Variants in ITPR3 observed in about 807,000 individuals in gnomAD.
ITPR3 encodes the protein inositol 1,4,5-trisphosphate receptor type 3.
In ITPR3, 173 loss-of-function variants were observed where a neutral mutation model predicts 293.2. That is an observed-to-expected ratio of 0.59 (90% confidence interval 0.52 to 0.67). The LOEUF (loss-of-function observed/expected upper bound fraction) is 0.67. Among genes scored for constraint, ITPR3 ranks in the 30% least tolerant of loss-of-function variants. The pLI is 0.00. For synonymous variants in ITPR3, 1,295 were observed against 1,444.4 expected (o/e 0.90, Z 2.35); for missense variants, 2,796 against 3,592.1 (o/e 0.78, Z 5.66).
intron 43 of ITPR3, 61 bp from the exon 44 acceptor site, chr6:33,686,948 A>T (rs1019226556): frequency 1.5e-6 from 2 of 1,305,344 alleles, no homozygotes; most frequent in East Asian, 2.3e-5. Context: ...AATGAGGGAG[A>T]AGTTGTCAGG....
At chr6:33,694,701 A>AG in intron 56 of ITPR3, 1 of 550,790 alleles carries the variant, frequency 1.8e-6, no homozygotes. Flanking sequence ...TGCCTAACGG[A>AG]AGTCAGCCTG....
Position 33,684,192 on chromosome 6 carries a change from GGGCAGCAGGGGTGCAGC to G in ITPR3, c.4937+30_4937+46del, listed in dbSNP as rs763428889. The G allele has an allele frequency of 1.9e-6, 3 of 1,607,150 alleles. No homozygotes were observed. The highest frequency in any genetic ancestry group is 2.2e-5 in the South Asian group (2 of 90,864). On this transcript the variant is annotated intron_variant, in intron 36 of 57. Transcript: ENST00000605930. This position sits in a 1 kb window ranked among gnomAD's most constrained non-coding sequence, Gnocchi z 4.2. ...AAGTGAGCGAGACACTGGGGCATGG[GGGCAGCAGGGGTGCAGC>G]GGCAGGGGACAGAGAAGGGCCCGGT...
In ITPR3 at chr6:33,688,764, T is replaced by C. The variant is rs1303363423; in HGVS notation, c.6677T>C (p.Met2226Thr). ...NIIIAFFYPY[M>T]EGASTGVLDS... ...ATCATTGCCTTCTTCTACCCTTACA[T>C]GGAGGGCGCGTCCACAGGTGAGAAC... Residue 2226 changes from methionine (M) to threonine (T), a missense_variant, in exon 49 of 58, where the codon ATG becomes ACG. By Grantham distance (81) the Met-to-Thr change is moderately conservative. Coordinates refer to ENST00000605930, the MANE Select transcript of ITPR3 (RefSeq NM_002224.4). 1.2e-6 allele frequency: 2 copies of C among 1,614,060 alleles called. No homozygotes were observed. The highest frequency in any genetic ancestry group is 1.7e-5 in the Admixed American group (1 of 59,998).
At chr6:33,668,882 G>C in intron 17 of ITPR3, 92 bp from the exon 18 acceptor site, 1 of 1,369,862 alleles carries the variant, frequency 7.3e-7, no homozygotes. Context: ...CCCCGTGGTG[G>C]CTGGCACTGT....
In ITPR3 at chr6:33,683,904, C is replaced by T. The variant is rs752322319; in HGVS notation, c.4789-116C>T. The T allele has an allele frequency of 6.8e-6, 8 of 1,171,924 alleles. No individual in the cohort carries two copies. The highest frequency in any genetic ancestry group is 9.6e-6 in the Non-Finnish European group (8 of 836,102). The allele number at this position is 1,171,924 out of a possible 1,614,324, so 72.6% of individuals were successfully genotyped here. A position where few individuals can be genotyped will look rare whatever the true frequency, so the allele number is the denominator to read the frequency against. ...TCAGGGTGTCTCTGTGGGTGTGGGC[C>T]CCTCAGACAGAGGCAGGGCAATCTG... On this transcript the variant is annotated intron_variant, in intron 35 of 57. Coordinates refer to ENST00000605930, the MANE Select transcript of ITPR3 (RefSeq NM_002224.4). This position sits in a 1 kb window ranked among gnomAD's most constrained non-coding sequence, Gnocchi z 4.5.
intron 7 of ITPR3, among the ~76,000 whole-genome samples, chr6:33,661,928 G>A (rs904525612): frequency 2.1e-5 from 3 of 143,986 alleles, no homozygotes; most frequent in African/African-American, 5.2e-5. Flanking sequence ...CCCAGGAGGC[G>A]AAGGTTGCAG....
intron 7 of ITPR3, among the ~76,000 whole-genome samples, chr6:33,661,992 GAAAAAAAAA>G (rs55958712): frequency 1.4e-3 from 65 of 47,194 alleles, no homozygotes; most frequent in Admixed American, 4.6e-3. Context: ...GACTGTCTCT[GAAAAAAAAA>G]AAAAAAAAAA....
chr6:33,677,272 C>T (rs1337401641), intron 27 of ITPR3, among the ~76,000 whole-genome samples, 183 bp downstream of exon 27: 4 of 152,208 alleles, frequency 2.6e-5, no homozygotes, highest in African/African-American at 4.8e-5. Flanking sequence ...ATTTTAAAGC[C>T]GAAGGAATTC....
rs376454020 is a variant in ITPR3 at position 33,672,496 on chromosome 6, A to C, written c.2928+268A>C. Among the ~76,000 whole-genome samples, 6 of 152,260 alleles carry C rather than the reference A, an allele frequency of 3.9e-5. No individual in the cohort carries two copies. In the East Asian group the frequency reaches 1.2e-3, roughly 29 times the overall value. On this transcript the variant is annotated intron_variant, in intron 22 of 57. Transcript: ENST00000605930. The surrounding 1 kb of genome is among the most constrained non-coding windows in gnomAD (Gnocchi z 5.0). ...TGCTTTGGGAGGCCAAGGTGGGAGGACTGCTTGAGCTCAGAGTTCAAGACC... is the reference window on the plus strand; with the variant it reads ...TGCTTTGGGAGGCCAAGGTGGGAGGCCTGCTTGAGCTCAGAGTTCAAGACC...
At chr6:33,688,884 T>A (rs1468192477) in intron 49 of ITPR3, 103 bp downstream of exon 49, 1 of 1,443,188 alleles carries the variant, frequency 6.9e-7, no homozygotes, top group Non-Finnish European at 9.6e-7. Flanking sequence ...GGGCACCAGA[T>A]GCAGAGTGTG....
intron 2 of ITPR3, among the ~76,000 whole-genome samples, chr6:33,645,191 G>T (rs745804419): frequency 6.6e-6 from 1 of 151,718 alleles, no homozygotes; most frequent in East Asian, 2.0e-4. Context: ...AATATTGGCC[G>T]GGTGTGGTGG....
Position 33,662,942 on chromosome 6 carries a change from C to G in ITPR3, c.890C>G (p.Ala297Gly). Residue 297 changes from alanine (A) to glycine (G), a missense_variant, in exon 9 of 58, where the codon GCT becomes GGT. By Grantham distance (60) the Ala-to-Gly change is moderately conservative. This residue lies in a region of ITPR3 where 955 missense variants were observed against 1,180.8 expected (regional missense o/e 0.81). Coordinates refer to ENST00000605930, the MANE Select transcript of ITPR3 (RefSeq NM_002224.4). ...VVHHDPCRGGAGHWNGLYRFK... is the reference protein window; with the variant it reads ...VVHHDPCRGGGGHWNGLYRFK... ...CACCACGACCCCTGCCGTGGAGGAGCTGGGCACTGGAATGGCTTGTACCGC... is the reference window on the plus strand; with the variant it reads ...CACCACGACCCCTGCCGTGGAGGAGGTGGGCACTGGAATGGCTTGTACCGC... The G allele has an allele frequency of 6.2e-7, 1 of 1,604,704 alleles. No homozygotes were observed. Among genetic ancestry groups the G allele is most frequent in the Non-Finnish European group, 8.5e-7 (1 of 1,175,168 alleles).
Position 33,667,706 on chromosome 6 carries a change from G to T in ITPR3, c.1714-86G>T. 1 of 1,482,592 alleles carries T rather than the reference G, an allele frequency of 6.7e-7. No homozygotes were observed. Among genetic ancestry groups the T allele is most frequent in the Non-Finnish European group, 9.2e-7 (1 of 1,085,536 alleles). 91.8% of individuals were successfully genotyped at this position (1,482,592 alleles called of 1,614,324 possible). A position where few individuals can be genotyped will look rare whatever the true frequency, so the allele number is the denominator to read the frequency against. ...TCTAGGGTATTGGGTCCTTACCTCGGGGTTTGGGGGCAGCGTTCCAGAGCA... is the reference window on the plus strand; with the variant it reads ...TCTAGGGTATTGGGTCCTTACCTCGTGGTTTGGGGGCAGCGTTCCAGAGCA... On this transcript the variant is annotated intron_variant, in intron 15 of 57. Transcript: ENST00000605930. The surrounding 1 kb of genome is among the most constrained non-coding windows in gnomAD (Gnocchi z 4.4).
In ITPR3 at chr6:33,670,110, G is replaced by A. The variant is rs1371572480; in HGVS notation, c.2190-215G>A. Among the ~76,000 whole-genome samples the A allele has an allele frequency of 6.6e-6, 1 of 152,060 alleles. No homozygotes were observed. Among genetic ancestry groups the A allele is most frequent in the Admixed American group, 6.5e-5 (1 of 15,274 alleles). ...GACGTCCCTCTTCCCATGAAGACCTGTCCTGGCTGAGCCTTAGCCAGGAGG... is the reference window on the plus strand; with the variant it reads ...GACGTCCCTCTTCCCATGAAGACCTATCCTGGCTGAGCCTTAGCCAGGAGG... On this transcript the variant is annotated intron_variant, in intron 18 of 57. Transcript: ENST00000605930. The surrounding 1 kb of genome is among the most constrained non-coding windows in gnomAD (Gnocchi z 6.7).
In ITPR3 at chr6:33,638,947, T is replaced by C. The variant is rs141071567; in HGVS notation, c.90-1537T>C. Among the ~76,000 whole-genome samples the C allele has an allele frequency of 1.3e-5, 2 of 152,108 alleles. No individual in the cohort carries two copies. Among genetic ancestry groups the C allele is most frequent in the African/African-American group, 4.8e-5 (2 of 41,496 alleles). On this transcript the variant is annotated intron_variant, in intron 1 of 57. Coordinates refer to ENST00000605930, the MANE Select transcript of ITPR3 (RefSeq NM_002224.4). The surrounding 1 kb of genome is among the most constrained non-coding windows in gnomAD (Gnocchi z 4.3). ...CTTCATGGGGCCAGAGTGGAGTGAG[T>C]ATTAAGGCACTGCAGGCTGCCAGGA...
Position 33,658,155 on chromosome 6 carries a change from C to T in ITPR3, c.369+137C>T. 1 of 705,814 alleles carries T rather than the reference C, an allele frequency of 1.4e-6. No homozygotes were observed. The highest frequency in any genetic ancestry group is 2.5e-6 in the Non-Finnish European group (1 of 397,180). The allele number at this position is 705,814 out of a possible 1,614,324, so 43.7% of individuals were successfully genotyped here. A position where few individuals can be genotyped will look rare whatever the true frequency, so the allele number is the denominator to read the frequency against. ...GGTGAATGAGTGGCCCTGGGGCCAC[C>T]TGTGTGGCTGTGCGTCTGACTGTGT... On this transcript the variant is annotated intron_variant, in intron 4 of 57. Coordinates refer to ENST00000605930, the MANE Select transcript of ITPR3 (RefSeq NM_002224.4). This position sits in a 1 kb window ranked among gnomAD's most constrained non-coding sequence, Gnocchi z 6.1.
chr6:33,669,681 T>G (rs1183084854), intron 18 of ITPR3, among the ~76,000 whole-genome samples: 3 of 152,142 alleles, frequency 2.0e-5, no homozygotes, highest in Admixed American at 1.3e-4. Flanking sequence ...TTTAAGCACT[T>G]GTCCTGATCC....
At position 33,662,606 on chromosome 6, in the gene ITPR3, T is replaced by A; in HGVS notation, c.790T>A (p.Phe264Ile). 4 of 1,612,356 alleles carry A rather than the reference T, an allele frequency of 2.5e-6. No individual in the cohort carries two copies. The highest frequency in any genetic ancestry group is 3.4e-6 in the Non-Finnish European group (4 of 1,179,948). Reference protein sequence around the residue: ...CDEYKGKLQVFLRTTLRQSAT... With the variant: ...CDEYKGKLQVILRTTLRQSAT... ...CGAGTACAAGGGCAAGCTGCAGGTG[T>A]TCCTGCGAACTACACTGCGCCAGTC... The change falls in exon 8 of 58, where the codon TTC becomes ATC. Residue 264 changes from phenylalanine to isoleucine, a missense_variant. Coordinates refer to ENST00000605930, the MANE Select transcript of ITPR3 (RefSeq NM_002224.4).
chr6:33,689,323 C>T lies in ITPR3; in HGVS notation c.6780C>T (p.Ser2260=). The change falls in exon 50 of 58, where the codon AGC becomes AGT. Residue 2260 remains serine (S), a synonymous_variant. Coordinates refer to ENST00000605930, the MANE Select transcript of ITPR3 (RefSeq NM_002224.4). The stretch of plus-strand genomic sequence containing the variant: ...CGGCCCTGTTCACCAAGCGCTACAG[C>T]ATCCGCCCCCTCATCGTGGCGCTCA... The part of the protein sequence containing the change: ...SIAALFTKRY[S]IRPLIVALIL... The T allele has an allele frequency of 6.2e-7, 1 of 1,612,878 alleles. No individual in the cohort carries two copies. Among genetic ancestry groups the T allele is most frequent in the Non-Finnish European group, 8.5e-7 (1 of 1,180,024 alleles).
Sources: allele counts gnomAD v4.1 joint callset (sites outside exome capture counted in the v4.1 genomes callset), GRCh38; gene constraint gnomAD v4.1.1; regional missense constraint gnomAD v4.1.1; non-coding constraint Gnocchi (gnomAD v3.1); transcripts MANE v1.5; gene names NCBI Gene and HGNC (gene_info 2026-07-23, HGNC 2026-07-21).